Variants in LEKR1 observed in about 807,000 individuals in gnomAD.
LEKR1 encodes the protein leucine, glutamate and lysine rich 1, also known as protein LEKR1.
LEKR1 carries 59 observed loss-of-function variants against 72.4 expected under a neutral mutation model. The observed-to-expected ratio is 0.82, with a 90% CI of 0.66 to 1.01. LEKR1 has a LOEUF of 1.01. Among genes scored for constraint, LEKR1 ranks in the 50% least tolerant of loss-of-function variants. The pLI is 0.00. For synonymous variants in LEKR1, 257 were observed against 263.2 expected (o/e 0.98, Z 0.23); for missense variants, 728 against 759.2 (o/e 0.96, Z 0.48).
At chr3:157,034,725 T>C (rs1293704888) in intron 12 of LEKR1, among the ~76,000 whole-genome samples, 1 of 152,250 alleles carries the variant, frequency 6.6e-6, no homozygotes, top group African/African-American at 2.4e-5. Flanking sequence ...GGTAAAATGC[T>C]GTCAAACAGC....
chr3:156,940,178 T>G (rs1325646972), intron 5 of LEKR1, among the ~76,000 whole-genome samples: 1 of 152,090 alleles, frequency 6.6e-6, no homozygotes, highest in Admixed American at 6.6e-5. Flanking sequence ...TCCTAAGACA[T>G]CATGGTAGAA....
intron 5 of LEKR1, among the ~76,000 whole-genome samples, chr3:156,933,512 T>C (rs1030143416): frequency 1.3e-5 from 2 of 152,206 alleles, no homozygotes; most frequent in African/African-American, 2.4e-5. Context: ...GAGGTATTCA[T>C]ATAAAAGATA....
chr3:157,038,754 T>G (rs1248554750), intron 12 of LEKR1, among the ~76,000 whole-genome samples: 1 of 152,190 alleles, frequency 6.6e-6, no homozygotes, highest in Non-Finnish European at 1.5e-5. Flanking sequence ...AGATATAAAA[T>G]TATTTTGAAT....
intron 3 of LEKR1, among the ~76,000 whole-genome samples, chr3:156,899,503 CATGTATATATACATACAT>C (rs1721671014): frequency 1.9e-5 from 2 of 106,284 alleles, no homozygotes; most frequent in African/African-American, 9.7e-5. Context: ...CACATATATA[CATGTATATATACATACAT>C]ACATATATAC....
Position 156,936,426 on chromosome 3 carries a change from A to AAC in LEKR1, c.560-6064_560-6063dup, listed in dbSNP as rs561039357. Among the ~76,000 whole-genome samples the AAC allele has an allele frequency of 5.4e-3, 415 of 76,932 alleles. 1 individual carries two copies. Among genetic ancestry groups the AAC allele is most frequent in the East Asian group, 0.028 (80 of 2,876 alleles). 50.5% of individuals were successfully genotyped at this position (76,932 alleles called of 152,430 possible). On this transcript the variant is annotated intron_variant, in intron 5 of 12. Transcript: ENST00000356539. ...TCAGTGTCCTCATCTGTACAATGAGAACACACACACACACACACACACACA... is the reference window on the plus strand; with the variant it reads ...TCAGTGTCCTCATCTGTACAATGAGAACACACACACACACACACACACACACA...
At chr3:156,841,318 A>G (rs1406687433) in intron 2 of LEKR1, among the ~76,000 whole-genome samples, 1 of 152,242 alleles carries the variant, frequency 6.6e-6, no homozygotes, top group Non-Finnish European at 1.5e-5. Context: ...TTTTGAAAAT[A>G]TAAAATATGT....
At chr3:156,960,139 A>G (rs1483757558) in intron 6 of LEKR1, among the ~76,000 whole-genome samples, 5 of 152,208 alleles carry the variant, frequency 3.3e-5, no homozygotes, top group Admixed American at 2.6e-4. Context: ...CTGATATGCT[A>G]TGATTCTGGT....
intron 5 of LEKR1, among the ~76,000 whole-genome samples, chr3:156,929,163 CTT>C (rs147170073): frequency 1.4e-5 from 2 of 144,308 alleles, no homozygotes; most frequent in Non-Finnish European, 1.5e-5. Context: ...ACTGGATGGA[CTT>C]TTTTTTTTTA....
chr3:156,988,470 C>T, intron 7 of LEKR1: 1 of 195,372 alleles, frequency 5.1e-6, no homozygotes, highest in Non-Finnish European at 1.1e-5. Flanking sequence ...TCTCCCTTAC[C>T]CACGAAAATT....
chr3:156,983,591 G>C (rs1464843036), intron 7 of LEKR1, among the ~76,000 whole-genome samples: 2 of 152,046 alleles, frequency 1.3e-5, no homozygotes, highest in African/African-American at 4.8e-5. Context: ...AATTACATAT[G>C]GACCATTTAA....
At position 156,925,327 on chromosome 3, in the gene LEKR1, GTGTGTT is replaced by G. The variant is rs1463193486; in HGVS notation, c.384-2096_384-2091del. ...TTTGTGTGTGTGTGTGTGTGTGTGTGTGTGTTTGTGTGTGTCTTCTTTAGAATTTTC... is the reference window on the plus strand; with the variant it reads ...TTTGTGTGTGTGTGTGTGTGTGTGTGTGTGTGTGTCTTCTTTAGAATTTTC... On this transcript the variant is annotated intron_variant, in intron 4 of 12. Coordinates refer to ENST00000356539, the MANE Select transcript of LEKR1 (RefSeq NM_001004316.3). 656 of 107,262 alleles carry G rather than the reference GTGTGTT, an allele frequency of 6.1e-3. 3 individuals are homozygous for G. The highest frequency in any genetic ancestry group is 0.017 in the African/African-American group (498 of 29,984). 6.6% of individuals were successfully genotyped at this position (107,262 alleles called of 1,614,324 possible). A position where few individuals can be genotyped will look rare whatever the true frequency, so the allele number is the denominator to read the frequency against.
At chr3:156,876,857 T>C (rs1718658422) in intron 3 of LEKR1, among the ~76,000 whole-genome samples, 1 of 152,228 alleles carries the variant, frequency 6.6e-6, no homozygotes, top group Non-Finnish European at 1.5e-5. Context: ...TCTAGTACTA[T>C]GTTGAATAGA....
chr3:156,962,920 T>C (rs906366137), intron 6 of LEKR1, among the ~76,000 whole-genome samples: 1 of 152,208 alleles, frequency 6.6e-6, no homozygotes, highest in African/African-American at 2.4e-5. Context: ...CTCTTTGCCT[T>C]TTCTTTAACT....
At chr3:156,983,850 G>A (rs73873757) in intron 7 of LEKR1, among the ~76,000 whole-genome samples, 5,349 of 152,132 alleles carry the variant, frequency 0.035, 324 homozygotes, top group African/African-American at 0.12. Flanking sequence ...CAGCAAAGCA[G>A]ACAAGCAAAC....
At chr3:156,968,365 T>C (rs1728826053) in intron 6 of LEKR1, among the ~76,000 whole-genome samples, 1 of 152,208 alleles carries the variant, frequency 6.6e-6, no homozygotes, top group Admixed American at 6.5e-5. Flanking sequence ...ATCAGTGTGC[T>C]GTATTCAGGA....
chr3:156,885,456 C>T (rs970335273), intron 3 of LEKR1, among the ~76,000 whole-genome samples: 1 of 152,194 alleles, frequency 6.6e-6, no homozygotes, highest in Non-Finnish European at 1.5e-5. Context: ...CTGTTCAGAT[C>T]CTCCTGTCCC....
At chr3:156,948,325 C>G (rs1229241033) in intron 6 of LEKR1, among the ~76,000 whole-genome samples, 1 of 150,926 alleles carries the variant, frequency 6.6e-6, no homozygotes, top group Non-Finnish European at 1.5e-5. Context: ...TAGACAAAAG[C>G]TATTTATTTT....
chr3:156,979,788 A>C (rs563422551), intron 7 of LEKR1: 4 of 152,390 alleles, frequency 2.6e-5, no homozygotes, highest in Admixed American at 1.3e-4. Flanking sequence ...TAAAATCAAG[A>C]ACACTATTTC....
chr3:156,862,022 G>C (rs1716817660), intron 3 of LEKR1, among the ~76,000 whole-genome samples: 2 of 152,010 alleles, frequency 1.3e-5, no homozygotes, highest in Non-Finnish European at 2.9e-5. Context: ...ATGTTTACCT[G>C]GGTTTCCTTG....
Sources: gnomAD v4.1 joint callset for allele counts (sites outside exome capture counted in the v4.1 genomes callset) on GRCh38, gnomAD v4.1.1 for gene constraint, MANE v1.5 for transcripts, NCBI Gene and HGNC (gene_info 2026-07-23, HGNC 2026-07-21) for gene names.